The following STK4 variants were observed in gnomAD, a reference collection of about 807,000 sequenced individuals.
STK4 encodes serine/threonine-protein kinase 4.
STK4 carries 30 observed loss-of-function variants against 64.9 expected under a neutral mutation model. The ratio of observed to expected loss-of-function variants is 0.46; its 90% CI spans 0.35 to 0.63. The LOEUF is 0.63. STK4 is among the 20% of genes least tolerant of loss of function. The pLI, the probability that STK4 is intolerant of heterozygous loss-of-function variation, is 0.01. For missense variants in STK4, 466 were observed against 598.5 expected (o/e 0.78, Z 2.31); for synonymous variants, 177 against 199.0 (o/e 0.89, Z 0.93).
intron 10 of STK4, among the ~76,000 whole-genome samples, chr20:45,054,997 T>A (rs1487769604): frequency 6.6e-6 from 1 of 152,148 alleles, no homozygotes. Flanking sequence ...TTCACCTGAT[T>A]TACCAAGAAT....
At chr20:45,014,882 C>G (rs1256126541) in intron 9 of STK4, among the ~76,000 whole-genome samples, 2 of 152,134 alleles carry the variant, frequency 1.3e-5, no homozygotes, top group Non-Finnish European at 2.9e-5. Flanking sequence ...TTCCCCTGAC[C>G]AAGCCTTCAA....
intron 9 of STK4, among the ~76,000 whole-genome samples, chr20:45,011,674 T>TA (rs1409890449): frequency 2.1e-5 from 3 of 142,732 alleles, no homozygotes; most frequent in Non-Finnish European, 4.6e-5. Context: ...AATTCTTGTG[T>TA]AGAACTGATT....
chr20:45,035,391 T>TTA (rs758133818), intron 10 of STK4, among the ~76,000 whole-genome samples: 70 of 152,238 alleles, frequency 4.6e-4, no homozygotes, highest in African/African-American at 8.2e-4. Context: ...GTTAACCAGG[T>TTA]TATATATATA....
chr20:44,974,991 T>A (rs193032619), intron 2 of STK4: 1 of 152,296 alleles, frequency 6.6e-6, no homozygotes, highest in East Asian at 1.9e-4. Context: ...CCTAGCACCT[T>A]TTTTCTTCTA....
Position 44,981,942 on chromosome 20 carries a change from C to G in STK4, c.359C>G (p.Thr120Arg). ...GATATCATTCGATTACGAAATAAAACGGTAGGTTTACCTTCTAGAACATGC... is the reference window on the plus strand; with the variant it reads ...GATATCATTCGATTACGAAATAAAAGGGTAGGTTTACCTTCTAGAACATGC... ...VSDIIRLRNK[T>R]LTEDEIATIL... The change falls in exon 4 of 11, where the codon ACG (threonine) becomes AGG (arginine). Residue 120 changes from threonine (T) to arginine (R), a missense_variant and splice_region_variant. Transcript: ENST00000372806. 6.2e-7 allele frequency: 1 copy of G among 1,607,400 alleles called. No homozygotes were observed. Among genetic ancestry groups the G allele is most frequent in the Non-Finnish European group, 8.5e-7 (1 of 1,174,018 alleles).
chr20:44,993,745 G>A (rs1290116184), intron 5 of STK4, among the ~76,000 whole-genome samples: 1 of 152,166 alleles, frequency 6.6e-6, no homozygotes. Flanking sequence ...TCGGGAGGCC[G>A]AGGCAGGTGG....
At chr20:44,988,731 G>A (rs1233471385) in intron 5 of STK4, among the ~76,000 whole-genome samples, 1 of 151,550 alleles carries the variant, frequency 6.6e-6, no homozygotes, top group African/African-American at 2.4e-5. Context: ...TATTGCCAAT[G>A]TCTAATTCCA....
intron 10 of STK4, among the ~76,000 whole-genome samples, chr20:45,037,720 G>A (rs2145412765): frequency 1.3e-5 from 2 of 152,156 alleles, no homozygotes; most frequent in South Asian, 2.1e-4. Context: ...CTAGATCAGG[G>A]CTCCAAATCT....
intron 10 of STK4, among the ~76,000 whole-genome samples, chr20:45,039,804 T>A (rs2068584184): frequency 6.6e-6 from 1 of 152,160 alleles, no homozygotes; most frequent in Non-Finnish European, 1.5e-5. Flanking sequence ...ATGCAATAAC[T>A]GCTGACACTA....
At chr20:44,971,516 CAT>C (rs949425665) in intron 1 of STK4, among the ~76,000 whole-genome samples, 3 of 152,126 alleles carry the variant, frequency 2.0e-5, no homozygotes, top group Non-Finnish European at 4.4e-5. Flanking sequence ...CAGTCCAATT[CAT>C]AGTTATGTTT....
intron 10 of STK4, among the ~76,000 whole-genome samples, chr20:45,041,910 C>A (rs2078220350): frequency 6.6e-6 from 1 of 152,112 alleles, no homozygotes; most frequent in Admixed American, 6.6e-5. Context: ...TTCCTAATTG[C>A]TGTAATCAGA....
intron 10 of STK4, among the ~76,000 whole-genome samples, chr20:45,072,814 C>T (rs1321599279): frequency 1.3e-5 from 2 of 152,092 alleles, no homozygotes; most frequent in Non-Finnish European, 2.9e-5. Context: ...AGAGACTTAC[C>T]AATCATATGT....
chr20:45,002,833 T>C (rs916113223), intron 9 of STK4, among the ~76,000 whole-genome samples: 3 of 151,884 alleles, frequency 2.0e-5, no homozygotes, highest in Non-Finnish European at 4.4e-5. Flanking sequence ...AAAAGATTCT[T>C]AAGGTAATGC....
intron 10 of STK4, among the ~76,000 whole-genome samples, chr20:45,074,013 T>G (rs1404374757): frequency 1.1e-4 from 16 of 152,240 alleles, no homozygotes; most frequent in Non-Finnish European, 4.4e-5. Flanking sequence ...AACCACATTT[T>G]AAACAAAGGT....
chr20:44,969,968 T>G (rs1030887042), intron 1 of STK4, among the ~76,000 whole-genome samples: 2 of 152,340 alleles, frequency 1.3e-5, no homozygotes, highest in Non-Finnish European at 1.5e-5. Context: ...TCATTACATT[T>G]GTGAATCCAT....
chr20:45,037,664 G>A (rs896838186), intron 10 of STK4, among the ~76,000 whole-genome samples: 21 of 152,188 alleles, frequency 1.4e-4, no homozygotes, highest in African/African-American at 3.6e-4. Flanking sequence ...CCAGGAGGCC[G>A]ATAACAACCT....
chr20:45,047,035 A>G (rs2068707556), intron 10 of STK4, among the ~76,000 whole-genome samples: 1 of 152,148 alleles, frequency 6.6e-6, no homozygotes, highest in Non-Finnish European at 1.5e-5. Context: ...TAATCTTCAT[A>G]TTGGTTGCTC....
At position 44,992,469 on chromosome 20, in the gene STK4, C is replaced by T. The variant is rs138912063; in HGVS notation, c.526-2621C>T. 4.3e-3 allele frequency among the ~76,000 whole-genome samples: 659 copies of T among 151,864 alleles called. 6 individuals carry two copies. The highest frequency in any genetic ancestry group is 0.014 in the African/African-American group (568 of 41,354). ...AGAGATAGGCTCTCCCTATTTTACC[C>T]AGGCTGGTCCGGAACTCCTGCCTCT... On this transcript the variant is annotated intron_variant, in intron 5 of 10. Coordinates refer to ENST00000372806, the MANE Select transcript of STK4 (RefSeq NM_006282.5).
Position 45,031,958 on chromosome 20 carries a change from T to A in STK4, c.1305+6828T>A, listed in dbSNP as rs1179325185. On this transcript the variant is annotated intron_variant, in intron 10 of 10. Transcript: ENST00000372806. ...AAATAGAATTTAAGACAAAAGAATG[T>A]TACCTGGGAAGGATATGTTTTATAC... is the stretch of plus-strand genomic sequence containing the variant. Among the ~76,000 whole-genome samples, 3 of 151,586 alleles carry A rather than the reference T, an allele frequency of 2.0e-5. No individual in the cohort carries two copies. The East Asian group carries it at 5.8e-4, about 29-fold the overall frequency.
Sources: gnomAD v4.1 joint callset for allele counts (sites outside exome capture counted in the v4.1 genomes callset) on GRCh38, gnomAD v4.1.1 for gene constraint, MANE v1.5 for transcripts, NCBI Gene and HGNC (gene_info 2026-07-23, HGNC 2026-07-21) for gene names.